Variants in ANKRD44 observed in about 807,000 individuals in gnomAD.
The protein encoded by ANKRD44 is ankyrin repeat domain 44.
Under a neutral mutation model 116.0 loss-of-function variants are expected in ANKRD44, and 35 were observed. The ratio of observed to expected loss-of-function variants is 0.30; its 90% CI spans 0.23 to 0.40. The LOEUF is 0.40. Among genes scored for constraint, ANKRD44 ranks in the 10% least tolerant of loss-of-function variants. The pLI is 1.00. For synonymous variants in ANKRD44, 435 were observed against 461.8 expected (o/e 0.94, Z 0.74); for missense variants, 1,014 against 1,242.6 (o/e 0.82, Z 2.77).
At chr2:197,029,178 G>T in intron 16 of ANKRD44, 4 of 185,604 alleles carry the variant, frequency 2.2e-5, no homozygotes, top group Admixed American at 6.4e-5. Context: ...CCCTTCCCAT[G>T]TCCAAGTGTT....
intron 1 of ANKRD44, among the ~76,000 whole-genome samples, chr2:197,235,960 A>T (rs2081968901): frequency 6.6e-6 from 1 of 152,194 alleles, no homozygotes; most frequent in South Asian, 2.1e-4. Flanking sequence ...GCTATTTGTT[A>T]TATAGTCATA....
intron 1 of ANKRD44, among the ~76,000 whole-genome samples, chr2:197,208,068 T>G (rs1443894799): frequency 6.6e-6 from 1 of 152,196 alleles, no homozygotes; most frequent in African/African-American, 2.4e-5. Context: ...AAAATCACTT[T>G]CCTCGAACTT....
intron 1 of ANKRD44, among the ~76,000 whole-genome samples, chr2:197,291,123 C>T (rs2083557945): frequency 6.6e-6 from 1 of 152,154 alleles, no homozygotes; most frequent in African/African-American, 2.4e-5. Context: ...GTGACAGGAT[C>T]ACTTGAGCCC....
intron 1 of ANKRD44, among the ~76,000 whole-genome samples, chr2:197,200,317 G>A (rs577350323): frequency 1.3e-5 from 2 of 152,284 alleles, no homozygotes; most frequent in Admixed American, 6.5e-5. Flanking sequence ...GGAGGAGGCA[G>A]GACTTGAACA....
chr2:197,080,242 TA>T (rs1389937971), intron 15 of ANKRD44, among the ~76,000 whole-genome samples: 2 of 152,250 alleles, frequency 1.3e-5, no homozygotes, highest in African/African-American at 4.8e-5. Context: ...ATTATTATAA[TA>T]AAAGTAATGT....
intron 2 of ANKRD44, among the ~76,000 whole-genome samples, chr2:197,159,592 G>A (rs1233732508): frequency 6.6e-6 from 1 of 152,240 alleles, no homozygotes; most frequent in Admixed American, 6.5e-5. Context: ...ATACCTTGTA[G>A]TAGGTTCTGA....
Position 197,110,824 on chromosome 2 carries a change from T to C in ANKRD44, c.927A>G (p.Pro309=). The part of the protein sequence containing the change: ...VNIQSKDGKS[P]LHMTAVHGRF... ...TTCCATGGACAGCTGTCATGTGCAG[T>C]GGACTTTTGCCATCTTTACTCTAAA... The change falls in exon 9 of 28, where the codon CCA becomes CCG. Residue 309 remains proline (P), a synonymous_variant. Transcript: ENST00000282272. 1.2e-6 allele frequency: 2 copies of C among 1,613,950 alleles called. No homozygotes were observed. Among genetic ancestry groups the C allele is most frequent in the Non-Finnish European group, 1.7e-6 (2 of 1,179,898 alleles).
chr2:197,308,387 G>C (rs1559239218), intron 1 of ANKRD44, among the ~76,000 whole-genome samples: 1 of 152,122 alleles, frequency 6.6e-6, no homozygotes, highest in Non-Finnish European at 1.5e-5. Context: ...TAAGAATTGA[G>C]TCTCAAACAG....
intron 1 of ANKRD44, among the ~76,000 whole-genome samples, chr2:197,247,344 G>A (rs2082215195): frequency 6.6e-6 from 1 of 152,162 alleles, no homozygotes; most frequent in Admixed American, 6.5e-5. Context: ...CACATTGGGT[G>A]GGGTAGCTGG....
In ANKRD44 at chr2:197,088,646, C is replaced by T. The variant is rs994541789; in HGVS notation, c.1247+65G>A. On this transcript the variant is annotated intron_variant, in intron 12 of 27. Transcript: ENST00000282272. Reference sequence around the variant, plus strand: ...GAAATTGCCTTTGATTCACAGACAACTTAAGTCAAGTCAATAAAGATGAAT... The same window carrying T: ...GAAATTGCCTTTGATTCACAGACAATTTAAGTCAAGTCAATAAAGATGAAT... 19 of 770,136 alleles carry T rather than the reference C, an allele frequency of 2.5e-5. No individual in the cohort carries two copies. In the Admixed American group the frequency reaches 7.2e-4, roughly 29 times the overall value. The allele number at this position is 770,136 out of a possible 1,614,324, so 47.7% of individuals were successfully genotyped here. A position where few individuals can be genotyped will look rare whatever the true frequency, so the allele number is the denominator to read the frequency against.
At chr2:197,088,426 G>A (rs1452330254) in intron 12 of ANKRD44, among the ~76,000 whole-genome samples, 1 of 152,006 alleles carries the variant, frequency 6.6e-6, no homozygotes, top group Middle Eastern at 3.2e-3. Context: ...GGTGTATGGG[G>A]TAACTGATAT....
At chr2:197,028,270 T>C (rs1197130481) in intron 16 of ANKRD44, among the ~76,000 whole-genome samples, 1 of 152,274 alleles carries the variant, frequency 6.6e-6, no homozygotes, top group Admixed American at 6.5e-5. Context: ...CCACCCTGAC[T>C]GAAGTGTGGT....
In ANKRD44 at chr2:197,136,636, T is replaced by C. The variant is rs747602122; in HGVS notation, c.217A>G (p.Met73Val). The C allele has an allele frequency of 8.1e-6, 13 of 1,614,060 alleles. No homozygotes were observed. In the African/African-American group the frequency reaches 1.2e-4, roughly 15 times the overall value. Residue 73 changes from methionine (M) to valine (V), a missense_variant, in exon 4 of 28, where the codon ATG becomes GTG. Physicochemically the swap from Met to Val is conservative, Grantham distance 21 (BLOSUM62 1). Transcript: ENST00000282272. ...GCCCGGTGCAGTGGAGTCAGCCACATGTTGTCCTTGGCATTTACACGAGCT... is the reference window on the plus strand; with the variant it reads ...GCCCGGTGCAGTGGAGTCAGCCACACGTTGTCCTTGGCATTTACACGAGCT... ...SGARVNAKDN[M>V]WLTPLHRAVA...
At chr2:197,079,216 A>C (rs1271482106) in intron 15 of ANKRD44, among the ~76,000 whole-genome samples, 1 of 152,132 alleles carries the variant, frequency 6.6e-6, no homozygotes, top group Non-Finnish European at 1.5e-5. Context: ...GGGCAACCTC[A>C]ATAGGGAGGG....
At chr2:197,027,646 T>C (rs2076622507) in intron 16 of ANKRD44, among the ~76,000 whole-genome samples, 1 of 150,834 alleles carries the variant, frequency 6.6e-6, no homozygotes, top group African/African-American at 2.4e-5. Context: ...TCATGTCAAG[T>C]GTCATGACAG....
intron 1 of ANKRD44, among the ~76,000 whole-genome samples, chr2:197,193,646 G>A (rs1002924647): frequency 9.2e-5 from 14 of 152,116 alleles, no homozygotes; most frequent in Admixed American, 3.3e-4. Context: ...TTGGGAGGCC[G>A]AGGAGGGTGG....
chr2:197,004,645 C>T (rs2076171349), intron 21 of ANKRD44, among the ~76,000 whole-genome samples: 3 of 152,104 alleles, frequency 2.0e-5, no homozygotes, highest in Admixed American at 2.0e-4. Context: ...AAAACACTAA[C>T]TTTTATACAA....
At chr2:197,124,073 A>T (rs1346235805) in intron 6 of ANKRD44, among the ~76,000 whole-genome samples, 2 of 152,204 alleles carry the variant, frequency 1.3e-5, no homozygotes, top group Non-Finnish European at 2.9e-5. Context: ...TGTTCGGCCT[A>T]CACAGCTGTC....
intron 1 of ANKRD44, among the ~76,000 whole-genome samples, chr2:197,238,878 T>C (rs1358590850): frequency 2.0e-5 from 3 of 152,034 alleles, no homozygotes; most frequent in Admixed American, 2.0e-4. Flanking sequence ...CAAATTTTTG[T>C]ATTTTCAGTA....
Sources: gnomAD v4.1 joint callset for allele counts (sites outside exome capture counted in the v4.1 genomes callset) on GRCh38, gnomAD v4.1.1 for gene constraint, MANE v1.5 for transcripts, NCBI Gene and HGNC (gene_info 2026-07-23, HGNC 2026-07-21) for gene names.